DTNB: variants seen among roughly 807,000 people sequenced by gnomAD.
DTNB encodes DTN-B.
DTNB carries 63 observed loss-of-function variants against 90.7 expected under a neutral mutation model. The observed-to-expected ratio is 0.69, with a 90% confidence interval of 0.57 to 0.86. DTNB has a LOEUF of 0.86. DTNB is among the 40% of genes least tolerant of loss of function. The pLI is 0.00. For synonymous variants in DTNB, 277 were observed against 286.7 expected (o/e 0.97, Z 0.34); for missense variants, 744 against 807.1 (o/e 0.92, Z 0.95).
intron 10 of DTNB, among the ~76,000 whole-genome samples, chr2:25,466,797 A>G (rs1397419455): frequency 6.6e-6 from 1 of 152,234 alleles, no homozygotes; most frequent in African/African-American, 2.4e-5. Context: ...AATATTACAA[A>G]GAGTTGTTAT....
At chr2:25,606,054 G>A (rs1476118754) in intron 5 of DTNB, among the ~76,000 whole-genome samples, 1 of 152,002 alleles carries the variant, frequency 6.6e-6, no homozygotes, top group Non-Finnish European at 1.5e-5. Flanking sequence ...TATATCTAAT[G>A]GGCCATCTAG....
intron 1 of DTNB, among the ~76,000 whole-genome samples, chr2:25,664,427 C>T (rs2083920783): frequency 6.6e-6 from 1 of 152,202 alleles, no homozygotes; most frequent in Admixed American, 6.5e-5. Context: ...TGAAAGACCA[C>T]TAAACCCAGC....
intron 4 of DTNB, 142 bp downstream of exon 4, chr2:25,628,029 C>A (rs1213194269): frequency 3.4e-6 from 3 of 893,800 alleles, no homozygotes; most frequent in African/African-American, 1.7e-5. Flanking sequence ...AGCTACCGTG[C>A]CCAGCCAATA....
chr2:25,562,343 G>C (rs2058392554), intron 8 of DTNB, among the ~76,000 whole-genome samples: 2 of 152,110 alleles, frequency 1.3e-5, no homozygotes, highest in African/African-American at 4.8e-5. Flanking sequence ...ATGGACATTT[G>C]GGTTATTTCC....
chr2:25,473,310 G>A (rs770882425), intron 10 of DTNB, among the ~76,000 whole-genome samples: 9 of 152,192 alleles, frequency 5.9e-5, no homozygotes, highest in Admixed American at 3.9e-4. Context: ...GGATCAGCAC[G>A]GGAATTTCAG....
chr2:25,426,303 A>G (rs919931073), intron 15 of DTNB, among the ~76,000 whole-genome samples: 5 of 152,216 alleles, frequency 3.3e-5, no homozygotes, highest in Non-Finnish European at 1.5e-5. Context: ...GCCTTCACCA[A>G]CATGAGCAGC....
intron 1 of DTNB, among the ~76,000 whole-genome samples, chr2:25,662,862 T>G (rs1264149629): frequency 6.6e-6 from 1 of 152,140 alleles, no homozygotes; most frequent in Non-Finnish European, 1.5e-5. Flanking sequence ...CAATATAGTC[T>G]TCTTTTTTTG....
chr2:25,639,901 C>T (rs933981216), intron 2 of DTNB, among the ~76,000 whole-genome samples: 2 of 152,206 alleles, frequency 1.3e-5, no homozygotes, highest in South Asian at 2.1e-4. Context: ...GTGAGAAGAT[C>T]GTACGAAGAA....
intron 6 of DTNB, among the ~76,000 whole-genome samples, chr2:25,592,060 CAAAAAAA>C (rs1162292627): frequency 5.1e-4 from 25 of 48,996 alleles, no homozygotes; most frequent in Non-Finnish European, 8.4e-4. Context: ...GACTCCATCT[CAAAAAAA>C]AAAAAAAAAA....
Position 25,416,846 on chromosome 2 carries a change from A to G in DTNB, c.1575+2669T>C, listed in dbSNP as rs1186782375. Among the ~76,000 whole-genome samples, 7 of 145,994 alleles carry G rather than the reference A, an allele frequency of 4.8e-5. 1 individual carries two copies. The highest frequency in any genetic ancestry group is 2.7e-4 in the Admixed American group (4 of 14,698). On this transcript the variant is annotated intron_variant, in intron 16 of 20. Transcript: ENST00000406818. ...GAAGGAAGGAAGGAAGGAAGGAAGG[A>G]AGGGTGGTTGGGTTAGGGTTATATC...
chr2:25,446,610 G>A (rs1413905828), intron 12 of DTNB, among the ~76,000 whole-genome samples: 1 of 152,046 alleles, frequency 6.6e-6, no homozygotes, highest in Admixed American at 6.6e-5. Context: ...TGTTTCTGGG[G>A]AGAAATCTAG....
chr2:25,504,622 GAAGGAAGGAAGGAAGA>G (rs1385996595), intron 9 of DTNB, among the ~76,000 whole-genome samples: 2 of 151,212 alleles, frequency 1.3e-5, no homozygotes, highest in Non-Finnish European at 3.0e-5. Context: ...GGAAAAGATG[GAAGGAAGGAAGGAAGA>G]AAGGAAGGAA....
At chr2:25,464,008 C>T (rs1308052861) in intron 10 of DTNB, among the ~76,000 whole-genome samples, 1 of 152,212 alleles carries the variant, frequency 6.6e-6, no homozygotes, top group Non-Finnish European at 1.5e-5. Flanking sequence ...TCGGTTAAAA[C>T]GATTCTCGTG....
intron 2 of DTNB, among the ~76,000 whole-genome samples, chr2:25,646,776 A>G (rs1001142527): frequency 1.3e-5 from 2 of 152,176 alleles, no homozygotes; most frequent in Admixed American, 1.3e-4. Context: ...AAGATGTATA[A>G]AACCAAGCTG....
intron 18 of DTNB, chr2:25,386,153 C>A (rs559226087): frequency 8.2e-6 from 8 of 976,314 alleles, no homozygotes; most frequent in Non-Finnish European, 9.7e-6. Flanking sequence ...AGAGAGGCAG[C>A]GTCTGACCTT....
At chr2:25,541,948 C>A (rs2081351066) in intron 8 of DTNB, among the ~76,000 whole-genome samples, 1 of 152,156 alleles carries the variant, frequency 6.6e-6, no homozygotes. Context: ...AACAAGCCTT[C>A]TCGTTTTGTT....
At chr2:25,465,593 C>T (rs1400795469) in intron 10 of DTNB, among the ~76,000 whole-genome samples, 2 of 152,210 alleles carry the variant, frequency 1.3e-5, no homozygotes, top group African/African-American at 4.8e-5. Flanking sequence ...CACCGCGCTT[C>T]AGCCGTGCTG....
At chr2:25,578,706 A>G (rs560605325) in intron 7 of DTNB, among the ~76,000 whole-genome samples, 169 of 152,298 alleles carry the variant, frequency 1.1e-3, no homozygotes, top group Non-Finnish European at 2.2e-3. Context: ...AGGTTCTGGT[A>G]TAAGTATTAT....
At chr2:25,644,064 T>G (rs1238920498) in intron 2 of DTNB, among the ~76,000 whole-genome samples, 1 of 152,178 alleles carries the variant, frequency 6.6e-6, no homozygotes, top group Non-Finnish European at 1.5e-5. Context: ...CCCTAGATGG[T>G]CTAAAAAGGG....
Sources: gnomAD v4.1 joint callset for allele counts (sites outside exome capture counted in the v4.1 genomes callset) on GRCh38, gnomAD v4.1.1 for gene constraint, MANE v1.5 for transcripts, NCBI Gene and HGNC (gene_info 2026-07-23, HGNC 2026-07-21) for gene names.